The following SGIP1 variants were observed in gnomAD, a reference collection of about 807,000 sequenced individuals.
SGIP1 encodes the protein SH3GL interacting endocytic adaptor 1, also known as SH3-containing GRB2-like protein 3-interacting protein 1.
A neutral mutation model predicts 107.5 loss-of-function variants in SGIP1; 38 were observed. The observed-to-expected ratio is 0.35, with a 90% CI of 0.27 to 0.46. The LOEUF (loss-of-function observed/expected upper bound fraction) is 0.46. SGIP1 is among the 20% of genes least tolerant of loss of function. The pLI is 1.00. For synonymous variants in SGIP1, 365 were observed against 366.1 expected, an observed-to-expected ratio of 1.00 and a Z score of 0.03; for missense variants, 929 against 1,019.5, an observed-to-expected ratio of 0.91 and a Z score of 1.21.
At chr1:66,671,775 A>G (rs2083878215) in intron 10 of SGIP1, among the ~76,000 whole-genome samples, 169 bp from the exon 11 acceptor site, 1 of 152,194 alleles carries the variant, frequency 6.6e-6, no homozygotes, top group Non-Finnish European at 1.5e-5. Context: ...ACATATGCCT[A>G]ATATATGGCT....
intron 1 of SGIP1, among the ~76,000 whole-genome samples, chr1:66,606,088 A>T (rs2066782285): frequency 6.6e-6 from 1 of 152,218 alleles, no homozygotes; most frequent in Non-Finnish European, 1.5e-5. Flanking sequence ...CAGATTTTTT[A>T]AAAATAGGCA....
At chr1:66,715,595 G>A (rs2093191558) in intron 18 of SGIP1, among the ~76,000 whole-genome samples, 1 of 152,068 alleles carries the variant, frequency 6.6e-6, no homozygotes, top group Admixed American at 6.6e-5. Flanking sequence ...ATTGCCATCT[G>A]CGAGCTTTAA....
rs2094591879 is a variant in SGIP1, at chr1:66,749,155, T to TTA, written c.*6061_*6062insAT. Among the ~76,000 whole-genome samples, 4 of 120,354 alleles carry TTA rather than the reference T, an allele frequency of 3.3e-5. No homozygotes were observed. The highest frequency in any genetic ancestry group is 1.3e-4 in the African/African-American group (4 of 30,938). 79.0% of individuals were successfully genotyped at this position (120,354 alleles called of 152,430 possible). ...ACAAAACAATAAAATTATTTTAATT[T>TTA]TTGTATTATTTTTAAGGCTTGCACC... On this transcript the variant is annotated 3_prime_UTR_variant, in exon 25 of 25. Coordinates refer to ENST00000371037, the MANE Select transcript of SGIP1 (RefSeq NM_032291.4).
chr1:66,660,811 T>C (rs745365556), intron 8 of SGIP1, among the ~76,000 whole-genome samples: 5 of 152,200 alleles, frequency 3.3e-5, no homozygotes, highest in Admixed American at 6.5e-5. Flanking sequence ...TGGTACTAAG[T>C]TTCATTTATT....
intron 12 of SGIP1, among the ~76,000 whole-genome samples, chr1:66,673,644 C>T (rs1386626645): frequency 1.3e-5 from 2 of 152,150 alleles, no homozygotes; most frequent in East Asian, 1.9e-4. Context: ...ACACAAATCC[C>T]GGTCATGGAG....
At chr1:66,545,745 C>G (rs2056245449) in intron 1 of SGIP1, among the ~76,000 whole-genome samples, 1 of 151,600 alleles carries the variant, frequency 6.6e-6, no homozygotes, top group Admixed American at 6.6e-5. Context: ...ACTGGCATGG[C>G]AGGTCCAAAA....
intron 11 of SGIP1, 58 bp downstream of exon 11, chr1:66,672,053 T>G: frequency 4.6e-6 from 7 of 1,516,154 alleles, no homozygotes; most frequent in Non-Finnish European, 6.4e-6. Context: ...TTTTAACAAT[T>G]AAGCAAATCT....
At chr1:66,543,405 T>A (rs1424947861) in intron 1 of SGIP1, among the ~76,000 whole-genome samples, 1 of 152,224 alleles carries the variant, frequency 6.6e-6, no homozygotes, top group Non-Finnish European at 1.5e-5. Flanking sequence ...TTCAACCTCA[T>A]TTTAGAGTTG....
chr1:66,700,985 T>C (rs2091826154), intron 18 of SGIP1, among the ~76,000 whole-genome samples: 1 of 152,214 alleles, frequency 6.6e-6, no homozygotes, highest in Non-Finnish European at 1.5e-5. Context: ...TTTTTTCTTT[T>C]TGGAGTTATA....
chr1:66,628,096 C>T (rs1027170808), intron 2 of SGIP1, among the ~76,000 whole-genome samples: 1 of 152,116 alleles, frequency 6.6e-6, no homozygotes, highest in Non-Finnish European at 1.5e-5. Context: ...TTTATGGCTG[C>T]ATAGTATTCC....
At chr1:66,661,863 A>G (rs2081557723) in intron 8 of SGIP1, among the ~76,000 whole-genome samples, 1 of 152,028 alleles carries the variant, frequency 6.6e-6, no homozygotes, top group Non-Finnish European at 1.5e-5. Context: ...CTACAAGAAT[A>G]TCCCCCCCAT....
chr1:66,677,724 T>C lies in SGIP1; in HGVS notation c.739+628T>C, dbSNP rs185617476. 3.3e-5 allele frequency among the ~76,000 whole-genome samples: 5 copies of C among 152,316 alleles called. No homozygotes were observed. The East Asian group carries it at 9.6e-4, about 29-fold the overall frequency. The stretch of plus-strand genomic sequence containing the variant: ...GGTTGGGCTATTTGGACTGAATGGA[T>C]TGTTCATCAGGTAAAGCCACCCTTC... On this transcript the variant is annotated intron_variant, in intron 13 of 24. Transcript: ENST00000371037.
chr1:66,613,319 TA>T (rs2068431155), intron 1 of SGIP1, among the ~76,000 whole-genome samples: 1 of 147,868 alleles, frequency 6.8e-6, no homozygotes, highest in Non-Finnish European at 1.5e-5. Flanking sequence ...ACTTAGAACT[TA>T]AGTTTTTTTG....
chr1:66,626,037 G>T, intron 2 of SGIP1, 127 bp downstream of exon 2: 4 of 481,412 alleles, frequency 8.3e-6, no homozygotes, highest in Admixed American at 4.1e-5. Context: ...TCATTTCTGA[G>T]TAAATTGTAA....
intron 1 of SGIP1, among the ~76,000 whole-genome samples, chr1:66,622,703 C>A (rs2071465922): frequency 6.6e-6 from 1 of 152,128 alleles, no homozygotes; most frequent in South Asian, 2.1e-4. Context: ...GTTCTCAATT[C>A]CATAGCTTGG....
At chr1:66,720,859 T>TTAAG (rs2150454424) in intron 19 of SGIP1, among the ~76,000 whole-genome samples, 1 of 152,322 alleles carries the variant, frequency 6.6e-6, no homozygotes, top group African/African-American at 2.4e-5. Context: ...CATATATATT[T>TTAAG]TAAGTGGAAA....
intron 4 of SGIP1, among the ~76,000 whole-genome samples, chr1:66,636,487 T>A (rs17129225): frequency 0.013 from 1,939 of 152,308 alleles, 47 homozygotes; most frequent in African/African-American, 0.044. Flanking sequence ...AACTCTGTAG[T>A]ACCTATAGCC....
chr1:66,653,170 G>A (rs766246410), intron 7 of SGIP1, among the ~76,000 whole-genome samples: 1 of 152,140 alleles, frequency 6.6e-6, no homozygotes, highest in Non-Finnish European at 1.5e-5. Context: ...GACTCATAGA[G>A]GATAGATGGG....
chr1:66,558,856 C>G (rs1235538493), intron 1 of SGIP1, among the ~76,000 whole-genome samples: 1 of 151,392 alleles, frequency 6.6e-6, no homozygotes, highest in African/African-American at 2.4e-5. Flanking sequence ...TTCTTTGTCA[C>G]TTGGGTTCCA....
Sources: gnomAD v4.1 joint callset for allele counts (sites outside exome capture counted in the v4.1 genomes callset) on GRCh38, gnomAD v4.1.1 for gene constraint, MANE v1.5 for transcripts, NCBI Gene and HGNC (gene_info 2026-07-23, HGNC 2026-07-21) for gene names.